Variants in NTRK3 observed in about 807,000 individuals in gnomAD.
The protein encoded by NTRK3 is NT-3 growth factor receptor.
A neutral mutation model predicts 91.7 loss-of-function variants in NTRK3; 24 were observed. That is an observed-to-expected ratio of 0.26 (90% confidence interval 0.19 to 0.37). The LOEUF (loss-of-function observed/expected upper bound fraction) is 0.37. NTRK3 is among the 10% of genes least tolerant of loss of function. NTRK3 has a pLI of 1.00. For missense variants in NTRK3, 880 were observed against 1,068.9 expected (o/e 0.82, Z 2.46); for synonymous variants, 483 against 404.0 (o/e 1.20, Z -2.34).
intron 13 of NTRK3, among the ~76,000 whole-genome samples, chr15:88,055,130 C>A (rs1248015578): frequency 1.3e-5 from 2 of 152,164 alleles, no homozygotes; most frequent in Non-Finnish European, 2.9e-5. Flanking sequence ...GTAATGAATG[C>A]CAATCCCAGG....
intron 3 of NTRK3, among the ~76,000 whole-genome samples, chr15:88,189,035 G>A (rs892302114): frequency 3.9e-5 from 6 of 152,274 alleles, no homozygotes; most frequent in East Asian, 3.9e-4. Context: ...TTTTCCAGAC[G>A]GAGGGAGACA....
At chr15:88,137,326 A>G in intron 7 of NTRK3, 78 bp downstream of exon 7, 1 of 1,558,140 alleles carries the variant, frequency 6.4e-7, no homozygotes, top group Non-Finnish European at 8.8e-7. Context: ...TGGCATCCCA[A>G]GGTAACGTCC....
chr15:88,038,321 T>G (rs564819693), intron 13 of NTRK3, among the ~76,000 whole-genome samples: 1 of 152,292 alleles, frequency 6.6e-6, no homozygotes, highest in East Asian at 1.9e-4. Flanking sequence ...GCCCTCTTAC[T>G]CACCTTTGCT....
chr15:88,136,102 A>G, intron 8 of NTRK3, 62 bp from the exon 9 acceptor site: 7 of 1,583,296 alleles, frequency 4.4e-6, no homozygotes, highest in South Asian at 2.2e-5. Flanking sequence ...TCTGCTACCT[A>G]ATCCCCAAAT....
At position 88,050,951 on chromosome 15, in the gene NTRK3, T is replaced by C. The variant is rs532727950; in HGVS notation, c.1397-17906A>G. Among the ~76,000 whole-genome samples the C allele has an allele frequency of 5.9e-5, 9 of 152,292 alleles. No homozygotes were observed. The East Asian group carries it at 1.7e-3, about 29-fold the overall frequency. ...TAGGAAACAATATGATAAGAGAGCA[T>C]ATATAATATTTTCCATGGGTCTGTT... On this transcript the variant is annotated intron_variant, in intron 13 of 18. Transcript: ENST00000394480.
At chr15:87,930,752 C>T (rs777521927) in intron 16 of NTRK3, among the ~76,000 whole-genome samples, 2 of 152,148 alleles carry the variant, frequency 1.3e-5, no homozygotes, top group African/African-American at 4.8e-5. Context: ...AGGTCACCCT[C>T]GACTGATAGA....
At position 88,255,957 on chromosome 15, in the gene NTRK3, T is replaced by C. The variant is rs767415545; in HGVS notation, c.197A>G (p.Asn66Ser). 5 of 1,612,312 alleles carry C rather than the reference T, an allele frequency of 3.1e-6. No individual in the cohort carries two copies. In the South Asian group the frequency reaches 3.3e-5, roughly 11 times the overall value. ...CGTGATGTTGATACTGGCGTTCCCA[T>C]TGCTGTTCCCTGAATCCTGCCCTTC... The change falls in exon 3 of 19, where the codon AAT (asparagine) becomes AGT (serine). Residue 66 changes from asparagine (N) to serine (S), a missense_variant. By Grantham distance (46) the Asn-to-Ser change is conservative. This residue lies in a region of NTRK3 where 743 missense variants were observed against 868.6 expected (regional missense o/e 0.86). Transcript: ENST00000394480. This position sits in a 1 kb window ranked among gnomAD's most constrained non-coding sequence, Gnocchi z 4.3.
intron 13 of NTRK3, among the ~76,000 whole-genome samples, chr15:88,051,734 A>C (rs1200724989): frequency 1.3e-5 from 2 of 152,044 alleles, no homozygotes; most frequent in Admixed American, 6.5e-5. Context: ...GTAAAGTAAA[A>C]AAGAAAAAAA....
intron 17 of NTRK3, among the ~76,000 whole-genome samples, chr15:87,918,144 C>T (rs1041460511): frequency 2.6e-5 from 4 of 152,160 alleles, no homozygotes; most frequent in African/African-American, 9.7e-5. Flanking sequence ...TACTCTATGG[C>T]TACCACTGTG....
At chr15:88,227,769 C>T (rs926793458) in intron 3 of NTRK3, among the ~76,000 whole-genome samples, 3 of 152,186 alleles carry the variant, frequency 2.0e-5, no homozygotes, top group Admixed American at 2.0e-4. Flanking sequence ...TCCCCCTTTA[C>T]CCACCTCAGT....
At chr15:88,174,842 G>C (rs1008231051) in intron 5 of NTRK3, among the ~76,000 whole-genome samples, 1 of 152,250 alleles carries the variant, frequency 6.6e-6, no homozygotes, top group African/African-American at 2.4e-5. Flanking sequence ...CCACTGCCTT[G>C]TGCTGGAAGT....
intron 13 of NTRK3, among the ~76,000 whole-genome samples, chr15:88,120,433 A>G (rs1005888722): frequency 6.6e-6 from 1 of 152,254 alleles, no homozygotes; most frequent in Non-Finnish European, 1.5e-5. Flanking sequence ...CAGAGGCACC[A>G]GCACACATCC....
At chr15:88,181,431 C>G (rs2046444119) in intron 5 of NTRK3, among the ~76,000 whole-genome samples, 1 of 152,164 alleles carries the variant, frequency 6.6e-6, no homozygotes, top group African/African-American at 2.4e-5. Context: ...TTCAGAGCCA[C>G]CTGCAGCCCA....
intron 13 of NTRK3, among the ~76,000 whole-genome samples, chr15:88,123,385 C>A (rs1330444800): frequency 6.6e-6 from 1 of 152,182 alleles, no homozygotes; most frequent in Non-Finnish European, 1.5e-5. Context: ...AAGGCTTTCC[C>A]TAAGTAAAAG....
chr15:87,897,150 C>T (rs1009656037), intron 17 of NTRK3, among the ~76,000 whole-genome samples: 1 of 152,056 alleles, frequency 6.6e-6, no homozygotes, highest in Non-Finnish European at 1.5e-5. Context: ...AGAGCCAAGC[C>T]GTTTAGCAGT....
intron 13 of NTRK3, among the ~76,000 whole-genome samples, chr15:88,066,018 C>T (rs2046620121): frequency 1.3e-5 from 2 of 152,188 alleles, no homozygotes; most frequent in African/African-American, 4.8e-5. Context: ...TTAGAGAACG[C>T]CATAGTAACT....
chr15:87,880,326 G>T (rs1287141229), exon 18 of NTRK3: 4 of 1,613,724 alleles, frequency 2.5e-6, no homozygotes, highest in Non-Finnish European at 3.4e-6. Flanking sequence ...ATCTCCCAGA[G>T]GATCACCCCG....
intron 14 of NTRK3, among the ~76,000 whole-genome samples, chr15:87,975,544 T>G (rs1425693502): frequency 1.3e-5 from 2 of 152,210 alleles, no homozygotes; most frequent in African/African-American, 4.8e-5. Flanking sequence ...TGAGCCACCC[T>G]AAGCTGAGGC....
intron 13 of NTRK3, among the ~76,000 whole-genome samples, chr15:88,095,661 A>G (rs1222837000): frequency 6.6e-6 from 1 of 152,246 alleles, no homozygotes; most frequent in Non-Finnish European, 1.5e-5. Flanking sequence ...AAATAGGTGC[A>G]TAACCCTCCC....
Sources: allele counts gnomAD v4.1 joint callset (sites outside exome capture counted in the v4.1 genomes callset), GRCh38; gene constraint gnomAD v4.1.1; regional missense constraint gnomAD v4.1.1; non-coding constraint Gnocchi (gnomAD v3.1); transcripts MANE v1.5; gene names NCBI Gene and HGNC (gene_info 2026-07-23, HGNC 2026-07-21).